Variants in SASH1 observed in about 807,000 individuals in gnomAD.
SASH1 encodes SAM and SH3 domain-containing protein 1.
Under a neutral mutation model 125.2 loss-of-function variants are expected in SASH1, and 44 were observed. The observed-to-expected ratio is 0.35, with a 90% CI of 0.28 to 0.45. SASH1 has a LOEUF of 0.45. SASH1 is among the 20% of genes least tolerant of loss of function. The pLI is 1.00. For synonymous variants in SASH1, 639 were observed against 649.1 expected, an observed-to-expected ratio of 0.98 and a Z score of 0.24; for missense variants, 1,426 against 1,614.5, an observed-to-expected ratio of 0.88 and a Z score of 2.00.
intron 15 of SASH1, 128 bp downstream of exon 15, chr6:148,534,108 T>TAACGAGC: frequency 1.4e-6 from 1 of 705,538 alleles, no homozygotes; most frequent in Non-Finnish European, 2.4e-6. Flanking sequence ...GGGCAGCTCG[T>TAACGAGC]TACTATGATG....
intron 1 of SASH1, among the ~76,000 whole-genome samples, chr6:148,372,664 C>T (rs1291296232): frequency 6.6e-6 from 1 of 151,964 alleles, no homozygotes; most frequent in Non-Finnish European, 1.5e-5. Flanking sequence ...TAGTGCCTGG[C>T]AAGGTGCATG....
intron 1 of SASH1, among the ~76,000 whole-genome samples, chr6:148,336,254 C>G (rs181365523): frequency 7.1e-6 from 1 of 139,898 alleles, no homozygotes; most frequent in Non-Finnish European, 1.5e-5. Context: ...CGGCTCACTG[C>G]GAGCTCTACC....
At chr6:148,371,932 C>T (rs1161524574) in intron 1 of SASH1, among the ~76,000 whole-genome samples, 2 of 152,152 alleles carry the variant, frequency 1.3e-5, no homozygotes, top group Admixed American at 6.5e-5. Flanking sequence ...CCATTTCCCC[C>T]AGTAGTAGTT....
At chr6:148,374,834 T>C (rs1210134754) in intron 1 of SASH1, among the ~76,000 whole-genome samples, 1 of 152,046 alleles carries the variant, frequency 6.6e-6, no homozygotes, top group Admixed American at 6.5e-5. Flanking sequence ...GTACCTGGGA[T>C]TACAGGTGCT....
chr6:148,423,260 A>C lies in SASH1; in HGVS notation c.286-16924A>C, dbSNP rs147323290. Among the ~76,000 whole-genome samples the C allele has an allele frequency of 7.4e-4, 112 of 152,352 alleles. No individual in the cohort carries two copies. The East Asian group carries it at 0.018, about 24-fold the overall frequency. ...CCCCATGTGTTTTTTAATGTGTTAC[A>C]TCATTATACAACATGACTAAGTCAA... On this transcript the variant is annotated intron_variant, in intron 2 of 19. Transcript: ENST00000367467.
chr6:148,223,284 C>A, the SASH1 span, among the ~76,000 whole-genome samples: 1 of 152,184 alleles, frequency 6.6e-6, no homozygotes, highest in Non-Finnish European at 1.5e-5. Context: ...CCTCAGAGGC[C>A]TGTAACTAGG....
chr6:148,275,591 T>C (rs1317229425), intron 1 of SASH1, among the ~76,000 whole-genome samples: 3 of 152,202 alleles, frequency 2.0e-5, no homozygotes, highest in African/African-American at 7.2e-5. Context: ...GGTTCCTCCA[T>C]TGACCTTCCA....
intron 1 of SASH1, among the ~76,000 whole-genome samples, chr6:148,381,852 T>C (rs1372924830): frequency 1.3e-5 from 2 of 151,818 alleles, no homozygotes; most frequent in African/African-American, 4.8e-5. Flanking sequence ...GCCAGGCTGG[T>C]CTCAAACTCC....
At chr6:148,352,596 TATAAATAAATAAATAAATAAATAA>T (rs144016974) in intron 1 of SASH1, among the ~76,000 whole-genome samples, 2 of 141,280 alleles carry the variant, frequency 1.4e-5, no homozygotes, top group Admixed American at 7.2e-5. Context: ...GACTCCTTCT[TATAAATAAATAAATAAATAAATAA>T]ATAAATAAAT....
intron 1 of SASH1, among the ~76,000 whole-genome samples, chr6:148,344,572 A>C (rs1326421185): frequency 6.6e-6 from 1 of 152,128 alleles, no homozygotes; most frequent in African/African-American, 2.4e-5. Context: ...ATAAATATGC[A>C]TGCAATGTAT....
intron 1 of SASH1, among the ~76,000 whole-genome samples, chr6:148,321,660 T>A (rs1780636812): frequency 1.3e-5 from 2 of 152,164 alleles, no homozygotes; most frequent in Admixed American, 1.3e-4. Flanking sequence ...CTCATCAAAA[T>A]CAGGATTTAC....
intron 2 of SASH1, among the ~76,000 whole-genome samples, chr6:148,394,735 C>CGATGAG (rs1783876600): frequency 9.9e-5 from 15 of 152,256 alleles, no homozygotes; most frequent in African/African-American, 3.1e-4. Flanking sequence ...ATTTCTGCCT[C>CGATGAG]CTGGGTTCAA....
At chr6:148,498,420 A>C (rs909871866) in intron 8 of SASH1, among the ~76,000 whole-genome samples, 3 of 152,016 alleles carry the variant, frequency 2.0e-5, no homozygotes, top group Non-Finnish European at 4.4e-5. Context: ...AAAAAAAAAG[A>C]AAAAGAAAAA....
intron 19 of SASH1, among the ~76,000 whole-genome samples, chr6:148,547,704 T>C (rs1187112197): frequency 6.6e-6 from 1 of 152,230 alleles, no homozygotes; most frequent in Non-Finnish European, 1.5e-5. Context: ...CCCAAAGATT[T>C]TCATACTCGT....
Position 148,525,355 on chromosome 6 carries a change from C to G in SASH1, c.1274C>G (p.Ser425Cys), listed in dbSNP as rs1767855029. The G allele has an allele frequency of 6.2e-7, 1 of 1,613,430 alleles. No homozygotes were observed. The highest frequency in any genetic ancestry group is 8.5e-7 in the Non-Finnish European group (1 of 1,179,444). Residue 425 changes from serine (S) to cysteine (C), a missense_variant, in exon 11 of 20, where the codon TCT becomes TGT. By Grantham distance (112) the Ser-to-Cys change is moderately radical (BLOSUM62 -1). Transcript: ENST00000367467. The part of the protein sequence containing the change: ...NRSLHVGSNN[S>C]DPMGKEGDFV... ...TCTCTGCACGTTGGCAGTAATAATTCTGACCCAATGGTGAGTAACATCAGA... is the reference window on the plus strand; with the variant it reads ...TCTCTGCACGTTGGCAGTAATAATTGTGACCCAATGGTGAGTAACATCAGA...
chr6:148,290,498 C>G (rs573406223), intron 1 of SASH1, among the ~76,000 whole-genome samples: 1 of 151,686 alleles, frequency 6.6e-6, no homozygotes, highest in Non-Finnish European at 1.5e-5. Flanking sequence ...CCCAGCTACT[C>G]GGGAGGCTGA....
At chr6:148,326,384 CT>C (rs1780826301) in intron 1 of SASH1, among the ~76,000 whole-genome samples, 2 of 44,940 alleles carry the variant, frequency 4.5e-5, no homozygotes, top group Non-Finnish European at 8.3e-5. Context: ...ACATTCTTTT[CT>C]TTTCTTTTCT....
chr6:148,489,034 A>G (rs898434183), intron 8 of SASH1, among the ~76,000 whole-genome samples: 9 of 152,310 alleles, frequency 5.9e-5, no homozygotes, highest in African/African-American at 1.9e-4. Context: ...TATCCAAAAA[A>G]TCATTGCCAA....
intron 4 of SASH1, among the ~76,000 whole-genome samples, chr6:148,457,919 A>G (rs1254267882): frequency 6.6e-6 from 1 of 152,218 alleles, no homozygotes; most frequent in Non-Finnish European, 1.5e-5. Context: ...CTCACTCACT[A>G]TCGCGAGAAC....
Sources: gnomAD v4.1 joint callset for allele counts (sites outside exome capture counted in the v4.1 genomes callset) on GRCh38, gnomAD v4.1.1 for gene constraint, MANE v1.5 for transcripts, NCBI Gene and HGNC (gene_info 2026-07-23, HGNC 2026-07-21) for gene names.